The following HECW2 variants were observed in gnomAD, a reference collection of about 807,000 sequenced individuals.
The protein encoded by HECW2 is HECT, C2 and WW domain containing E3 ubiquitin protein ligase 2.
HECW2 carries 61 observed loss-of-function variants against 175.2 expected under a neutral mutation model. That is an observed-to-expected ratio of 0.35 (90% CI 0.28 to 0.43). HECW2 has a LOEUF of 0.43. HECW2 is among the 20% of genes least tolerant of loss of function. The pLI is 1.00. For synonymous variants in HECW2, 671 were observed against 731.0 expected (o/e 0.92, Z 1.32); for missense variants, 1,524 against 2,000.5 (o/e 0.76, Z 4.54).
rs1226016369 is a variant in HECW2 at position 196,319,146 on chromosome 2, T to C, written c.1744A>G (p.Thr582Ala). Residue 582 changes from threonine to alanine, a missense_variant, in exon 9 of 29, where the codon ACA becomes GCA. Around this residue, in one of 11 missense-constraint regions of HECW2, gnomAD observed 604 missense variants for 588.3 expected, o/e 1.03. Coordinates refer to ENST00000644978, the MANE Select transcript of HECW2 (RefSeq NM_001348768.2). ...CCTCCTGATGCATCGGAAGTCCCTGTGTCTGCGCCACTTGTGGGCTGATCT... is the reference window on the plus strand; with the variant it reads ...CCTCCTGATGCATCGGAAGTCCCTGCGTCTGCGCCACTTGTGGGCTGATCT... Reference protein sequence around the residue: ...EVDQPTSGADTGTSDASGGSR... With the variant: ...EVDQPTSGADAGTSDASGGSR... The C allele has an allele frequency of 6.3e-7, 1 of 1,593,970 alleles. No homozygotes were observed. The highest frequency in any genetic ancestry group is 8.6e-7 in the Non-Finnish European group (1 of 1,169,384).
chr2:196,254,086 T>C, intron 18 of HECW2, 57 bp from the exon 19 acceptor site: 2 of 1,601,738 alleles, frequency 1.2e-6, no homozygotes, highest in East Asian at 2.3e-5. Context: ...GGGAAAAGCC[T>C]AAATCCCAAA....
At chr2:196,265,780 A>C (rs574691583) in intron 17 of HECW2, among the ~76,000 whole-genome samples, 1 of 152,294 alleles carries the variant, frequency 6.6e-6, no homozygotes, top group South Asian at 2.1e-4. Flanking sequence ...AAGATGCTGG[A>C]AGTTAGAAAT....
At chr2:196,562,316 T>C (rs990765285) in intron 1 of HECW2, among the ~76,000 whole-genome samples, 2 of 152,190 alleles carry the variant, frequency 1.3e-5, no homozygotes, top group Admixed American at 1.3e-4. Context: ...TTTAAATGTA[T>C]AAAGAAGTAA....
intron 1 of HECW2, among the ~76,000 whole-genome samples, chr2:196,435,057 T>C (rs959228349): frequency 2.6e-5 from 4 of 152,240 alleles, no homozygotes; most frequent in Non-Finnish European, 4.4e-5. Flanking sequence ...TTTATTCAAA[T>C]AGTTTCTGCC....
At chr2:196,540,333 C>T (rs927804178) in intron 1 of HECW2, among the ~76,000 whole-genome samples, 1 of 152,150 alleles carries the variant, frequency 6.6e-6, no homozygotes, top group African/African-American at 2.4e-5. Flanking sequence ...CTTTAAATTA[C>T]TCCCCTAGAG....
At chr2:196,368,501 T>G (rs1424890499) in intron 2 of HECW2, among the ~76,000 whole-genome samples, 1 of 152,188 alleles carries the variant, frequency 6.6e-6, no homozygotes, top group Admixed American at 6.5e-5. Flanking sequence ...CCTTCTTGTA[T>G]TTGAATATTG....
At chr2:196,355,699 C>T (rs916004718) in intron 2 of HECW2, among the ~76,000 whole-genome samples, 2 of 152,074 alleles carry the variant, frequency 1.3e-5, no homozygotes, top group African/African-American at 4.8e-5. Flanking sequence ...ATCTACCAGG[C>T]AATATTCTAA....
chr2:196,511,178 C>A (rs1442496440), intron 1 of HECW2, among the ~76,000 whole-genome samples: 2 of 152,030 alleles, frequency 1.3e-5, no homozygotes, highest in Non-Finnish European at 2.9e-5. Flanking sequence ...GTGGGCCAGG[C>A]CAGGCTGGTA....
chr2:196,222,085 C>T, intron 24 of HECW2, 126 bp downstream of exon 24: 1 of 749,532 alleles, frequency 1.3e-6, no homozygotes, highest in South Asian at 2.3e-5. Context: ...GTGTGTGATC[C>T]TGAGTTTAAA....
chr2:196,501,379 C>G (rs1172503796), intron 1 of HECW2, among the ~76,000 whole-genome samples: 1 of 152,072 alleles, frequency 6.6e-6, no homozygotes, highest in East Asian at 1.9e-4. Context: ...CCACGCCCAG[C>G]TGATTTTTGT....
rs1451245354 is a variant in HECW2 at position 196,319,844 on chromosome 2, C to T, written c.1046G>A (p.Gly349Asp). The T allele has an allele frequency of 1.9e-6, 3 of 1,614,012 alleles. No homozygotes were observed. In the South Asian group the frequency reaches 3.3e-5, roughly 18 times the overall value. The change falls in exon 9 of 29, where the codon GGT (glycine) becomes GAT (aspartate). Residue 349 changes from glycine (G) to aspartate (D), a missense_variant. Coordinates refer to ENST00000644978, the MANE Select transcript of HECW2 (RefSeq NM_001348768.2). ...CATGTCCTCGTCATCGGAAGGGCTA[C>T]CTAAGTCTCCATTCACAGAATTGAC... Reference protein sequence around the residue: ...LGVNSVNGDLGSPSDDEDMPG... With the variant: ...LGVNSVNGDLDSPSDDEDMPG...
intron 1 of HECW2, among the ~76,000 whole-genome samples, chr2:196,531,442 G>T (rs1453879833): frequency 6.6e-6 from 1 of 152,110 alleles, no homozygotes; most frequent in Non-Finnish European, 1.5e-5. Context: ...TGGATCACAA[G>T]GTCAGGAGTT....
At chr2:196,481,565 G>C (rs1686844394) in intron 1 of HECW2, among the ~76,000 whole-genome samples, 1 of 152,180 alleles carries the variant, frequency 6.6e-6, no homozygotes, top group African/African-American at 2.4e-5. Flanking sequence ...AAGCCCTCAG[G>C]CTTGCAAGCT....
intron 1 of HECW2, among the ~76,000 whole-genome samples, chr2:196,532,534 G>A (rs758481962): frequency 3.3e-5 from 5 of 152,034 alleles, no homozygotes; most frequent in South Asian, 2.1e-4. Flanking sequence ...TGTAGGTGAC[G>A]GGTTGATGGG....
intron 13 of HECW2, among the ~76,000 whole-genome samples, chr2:196,294,278 T>C (rs531432890): frequency 1.3e-5 from 2 of 152,208 alleles, no homozygotes; most frequent in Non-Finnish European, 1.5e-5. Context: ...AATAACTGTA[T>C]GGCAGCTGTT....
rs966197047 is a variant in HECW2 at position 196,565,513 on chromosome 2, C to T, written c.-36+27995G>A. The stretch of plus-strand genomic sequence containing the variant: ...ACAAATAGATTTAAAGTTCAGCTTC[C>T]TCATCTTTAAGACATATTTCTAGTG... On this transcript the variant is annotated intron_variant, in intron 1 of 28. Transcript: ENST00000644978. Among the ~76,000 whole-genome samples, 10 of 152,248 alleles carry T rather than the reference C, an allele frequency of 6.6e-5. No homozygotes were observed. In the East Asian group the frequency reaches 1.7e-3, roughly 26 times the overall value.
chr2:196,523,479 C>T (rs1320931015), intron 1 of HECW2, among the ~76,000 whole-genome samples: 1 of 150,632 alleles, frequency 6.6e-6, no homozygotes, highest in African/African-American at 2.4e-5. Flanking sequence ...CCTTCTCCTG[C>T]CTAATTGCCC....
intron 1 of HECW2, among the ~76,000 whole-genome samples, chr2:196,568,484 T>A (rs938160816): frequency 6.6e-6 from 1 of 152,234 alleles, no homozygotes; most frequent in Non-Finnish European, 1.5e-5. Flanking sequence ...AGCTTACTTA[T>A]GATTTTTCAA....
chr2:196,372,335 T>C (rs1347874602), intron 2 of HECW2, among the ~76,000 whole-genome samples: 1 of 152,232 alleles, frequency 6.6e-6, no homozygotes, highest in East Asian at 1.9e-4. Flanking sequence ...CATAATTTTC[T>C]CCCTTATTGA....
Sources: allele counts gnomAD v4.1 joint callset (sites outside exome capture counted in the v4.1 genomes callset), GRCh38; gene constraint gnomAD v4.1.1; regional missense constraint gnomAD v4.1.1; transcripts MANE v1.5; gene names NCBI Gene and HGNC (gene_info 2026-07-23, HGNC 2026-07-21).